The following SYNPR variants were observed in gnomAD, a reference collection of about 807,000 sequenced individuals.
SYNPR encodes synaptoporin.
A neutral mutation model predicts 32.9 loss-of-function variants in SYNPR; 23 were observed. That is an observed-to-expected ratio of 0.70 (90% CI 0.50 to 0.99). The LOEUF (loss-of-function observed/expected upper bound fraction) is 0.99. Ranked by LOEUF, SYNPR falls within the 50% of genes least tolerant of loss-of-function variation. SYNPR has a pLI of 0.00. For synonymous variants in SYNPR, 146 were observed against 135.9 expected (o/e 1.07, Z -0.52); for missense variants, 318 against 349.3 (o/e 0.91, Z 0.71).
chr3:63,251,106 G>A (rs992036629), intron 1 of SYNPR, among the ~76,000 whole-genome samples: 2 of 151,490 alleles, frequency 1.3e-5, no homozygotes, highest in African/African-American at 2.4e-5. Context: ...TGTACTACTG[G>A]GTACATTTTC....
chr3:63,219,714 A>T, the SYNPR span, among the ~76,000 whole-genome samples: 1 of 152,188 alleles, frequency 6.6e-6, no homozygotes, highest in East Asian at 1.9e-4. Flanking sequence ...CATAAGGAAA[A>T]TATATTTACT....
the SYNPR span, among the ~76,000 whole-genome samples, chr3:63,220,683 T>A: frequency 6.6e-6 from 1 of 152,178 alleles, no homozygotes; most frequent in East Asian, 1.9e-4. Context: ...AGTTTTCAGC[T>A]TTCCAGTACT....
chr3:63,253,614 G>A (rs2086356377), intron 2 of SYNPR, among the ~76,000 whole-genome samples: 1 of 152,090 alleles, frequency 6.6e-6, no homozygotes, highest in Non-Finnish European at 1.5e-5. Flanking sequence ...AAATCACAAT[G>A]AGATACCATC....
chr3:63,278,629 C>A, intron 1 of SYNPR, 48 bp from the exon 2 acceptor site: 1 of 1,550,842 alleles, frequency 6.4e-7, no homozygotes, highest in Non-Finnish European at 8.7e-7. Context: ...GCGCCCCCAG[C>A]CCCTTCCTCA....
At chr3:63,386,380 C>T (rs2088045182) in intron 2 of SYNPR, among the ~76,000 whole-genome samples, 1 of 152,298 alleles carries the variant, frequency 6.6e-6, no homozygotes, top group Admixed American at 6.5e-5. Flanking sequence ...TGCCGCCTGC[C>T]ATCTTAGAAG....
At chr3:63,476,598 G>A (rs188672795) in intron 2 of SYNPR, among the ~76,000 whole-genome samples, 1 of 151,934 alleles carries the variant, frequency 6.6e-6, no homozygotes, top group Non-Finnish European at 1.5e-5. Context: ...TTACCGATGT[G>A]GCAAAAAAAC....
chr3:63,549,039 C>A (rs1045598950), intron 3 of SYNPR, among the ~76,000 whole-genome samples: 11 of 152,144 alleles, frequency 7.2e-5, no homozygotes, highest in African/African-American at 2.7e-4. Flanking sequence ...AAAATCACAC[C>A]ACAATTATCA....
intron 2 of SYNPR, among the ~76,000 whole-genome samples, chr3:63,374,453 G>C (rs1366150401): frequency 1.3e-5 from 2 of 152,156 alleles, no homozygotes; most frequent in Non-Finnish European, 2.9e-5. Context: ...TGTGGGAAGA[G>C]AGAGAGGATC....
At chr3:63,476,481 T>C (rs1700927966) in intron 2 of SYNPR, among the ~76,000 whole-genome samples, 1 of 152,126 alleles carries the variant, frequency 6.6e-6, no homozygotes, top group Non-Finnish European at 1.5e-5. Context: ...AGCTTCCAGA[T>C]AATGTGATTT....
At chr3:63,297,776 C>G (rs555740171) in intron 2 of SYNPR, among the ~76,000 whole-genome samples, 19 of 152,092 alleles carry the variant, frequency 1.2e-4, no homozygotes, top group South Asian at 6.2e-4. Context: ...GCTGGAGATG[C>G]AATCATGGGG....
At chr3:63,225,069 T>C (rs953116567), upstream of SYNPR, among the ~76,000 whole-genome samples, 2 of 152,184 alleles carry the variant, frequency 1.3e-5, no homozygotes, top group Admixed American at 6.6e-5. Context: ...ACTCTCGCTA[T>C]GTCCCCTGGC....
intron 4 of SYNPR, among the ~76,000 whole-genome samples, chr3:63,567,170 C>A (rs1702803797): frequency 6.6e-6 from 1 of 152,180 alleles, no homozygotes; most frequent in Non-Finnish European, 1.5e-5. Context: ...CTGTTCCCCT[C>A]CCTTCAGCTA....
At chr3:63,566,466 T>A (rs1277047490) in intron 4 of SYNPR, among the ~76,000 whole-genome samples, 1 of 152,192 alleles carries the variant, frequency 6.6e-6, no homozygotes, top group Non-Finnish European at 1.5e-5. Context: ...AGAATAATGA[T>A]CATGGCTGTG....
chr3:63,327,631 C>A (rs915895828), intron 2 of SYNPR, among the ~76,000 whole-genome samples: 9 of 152,006 alleles, frequency 5.9e-5, no homozygotes. Context: ...TATGAGTTTA[C>A]ACAACATGAA....
chr3:63,514,736 A>G (rs1436649486), intron 3 of SYNPR, among the ~76,000 whole-genome samples: 1 of 152,154 alleles, frequency 6.6e-6, no homozygotes, highest in Non-Finnish European at 1.5e-5. Flanking sequence ...TTCTGAAATT[A>G]GCATTTTGTA....
At chr3:63,436,681 CA>C (rs1700090698) in intron 2 of SYNPR, among the ~76,000 whole-genome samples, 1 of 152,068 alleles carries the variant, frequency 6.6e-6, no homozygotes, top group Non-Finnish European at 1.5e-5. Context: ...AGCCCTCCAG[CA>C]AGAATCAAAA....
the SYNPR span, among the ~76,000 whole-genome samples, chr3:63,205,500 G>A: frequency 6.6e-6 from 1 of 152,056 alleles, no homozygotes; most frequent in African/African-American, 2.4e-5. Context: ...TAGGGAGAAG[G>A]GTGCCTCTGA....
chr3:63,463,512 T>C (rs1559506709), intron 2 of SYNPR, among the ~76,000 whole-genome samples: 1 of 152,168 alleles, frequency 6.6e-6, no homozygotes, highest in Admixed American at 6.5e-5. Flanking sequence ...GAGGCATCCA[T>C]AGTCCATCAC....
intron 2 of SYNPR, among the ~76,000 whole-genome samples, chr3:63,311,680 G>T (rs1289245920): frequency 1.3e-5 from 2 of 151,858 alleles, no homozygotes; most frequent in Non-Finnish European, 2.9e-5. Context: ...ATGCAATCTG[G>T]ATTTAAAGTT....
Sources: gnomAD v4.1 joint callset for allele counts (sites outside exome capture counted in the v4.1 genomes callset) on GRCh38, gnomAD v4.1.1 for gene constraint, MANE v1.5 for transcripts, NCBI Gene and HGNC (gene_info 2026-07-23, HGNC 2026-07-21) for gene names.